SYT2: variants seen among roughly 807,000 people sequenced by gnomAD.
SYT2 encodes the protein synaptotagmin-2.
In SYT2, 15 loss-of-function variants were observed where a neutral mutation model predicts 39.9. The ratio of observed to expected loss-of-function variants is 0.38; its 90% confidence interval spans 0.25 to 0.58. The LOEUF is 0.58. SYT2 is among the 20% of genes least tolerant of loss of function. SYT2 has a pLI of 0.70. For missense variants in SYT2, 389 were observed against 530.3 expected (o/e 0.73, Z 2.62); for synonymous variants, 181 against 204.5 (o/e 0.89, Z 0.98).
intron 1 of SYT2, among the ~76,000 whole-genome samples, chr1:202,624,622 A>T (rs200929665): frequency 1.2e-4 from 4 of 34,664 alleles, no homozygotes; most frequent in Non-Finnish European, 2.5e-4. Context: ...GGTGTCATAG[A>T]GTGTGTGTAT....
chr1:202,684,049 G>A (rs1308062759), intron 1 of SYT2, among the ~76,000 whole-genome samples: 12 of 151,842 alleles, frequency 7.9e-5, no homozygotes, highest in Non-Finnish European at 1.5e-4. Context: ...ATATATTACA[G>A]TAAAAAATTT....
chr1:202,599,161 A>G lies in SYT2; in HGVS notation c.1053+57T>C, dbSNP rs1690407411. 2 of 1,601,428 alleles carry G rather than the reference A, an allele frequency of 1.2e-6. No individual in the cohort carries two copies. On this transcript the variant is annotated intron_variant, in intron 8 of 8. Transcript: ENST00000367268. This position sits in a 1 kb window ranked among gnomAD's most constrained non-coding sequence, Gnocchi z 4.4. The stretch of plus-strand genomic sequence containing the variant: ...TGAGTTCCCTCTCTTCAACCTCCCC[A>G]TACATGTTTGCCTCCCCAAACCCTG...
chr1:202,606,729 A>G (rs1690720640), intron 1 of SYT2, among the ~76,000 whole-genome samples: 1 of 152,120 alleles, frequency 6.6e-6, no homozygotes, highest in Admixed American at 6.5e-5. Context: ...CAAAGATGTG[A>G]TGTTTATTAA....
intron 1 of SYT2, among the ~76,000 whole-genome samples, chr1:202,609,331 A>G (rs1572620636): frequency 6.6e-6 from 1 of 152,106 alleles, no homozygotes; most frequent in Non-Finnish European, 1.5e-5. Flanking sequence ...TAGTGCCGCA[A>G]TGAACATACG....
chr1:202,637,674 G>T (rs1485547813), intron 1 of SYT2, among the ~76,000 whole-genome samples: 2 of 152,274 alleles, frequency 1.3e-5, no homozygotes, highest in Non-Finnish European at 2.9e-5. Flanking sequence ...CATAGGTGCT[G>T]CAGTATCTCT....
intron 5 of SYT2, 80 bp downstream of exon 5, chr1:202,602,298 G>T: frequency 6.8e-7 from 1 of 1,470,820 alleles, no homozygotes; most frequent in South Asian, 1.3e-5. Flanking sequence ...CATGGCTAAG[G>T]ACCAAGGAAA....
intron 5 of SYT2, 30 bp from the exon 6 acceptor site, chr1:202,602,087 C>T: frequency 6.2e-7 from 1 of 1,611,876 alleles, no homozygotes; most frequent in East Asian, 2.2e-5. Context: ...TCAGAGGGGG[C>T]CAGAGCGACT....
intron 1 of SYT2, 134 bp from the exon 2 acceptor site, chr1:202,605,923 A>G: frequency 1.6e-6 from 1 of 610,004 alleles, no homozygotes; most frequent in Non-Finnish European, 2.9e-6. Flanking sequence ...ACTGTAGTAA[A>G]CCAATAATAA....
chr1:202,693,883 C>A (rs1490948724), intron 1 of SYT2, among the ~76,000 whole-genome samples: 1 of 152,238 alleles, frequency 6.6e-6, no homozygotes, highest in Non-Finnish European at 1.5e-5. Context: ...GCACCAGCAT[C>A]TGCTTCTGGG....
At chr1:202,602,916 A>G in intron 4 of SYT2, 83 bp downstream of exon 4, 1 of 1,519,868 alleles carries the variant, frequency 6.6e-7, no homozygotes, top group Non-Finnish European at 9.0e-7. Flanking sequence ...CACATCTCTG[A>G]GGGAGCTGTT....
At chr1:202,647,818 C>A (rs1422358340) in intron 1 of SYT2, among the ~76,000 whole-genome samples, 2 of 152,202 alleles carry the variant, frequency 1.3e-5, no homozygotes, top group African/African-American at 2.4e-5. Context: ...CTCCCTGCTC[C>A]TCCTTCCCCC....
chr1:202,635,258 A>G (rs12354333), intron 1 of SYT2, among the ~76,000 whole-genome samples: 59,203 of 151,838 alleles, frequency 0.39, 13,367 homozygotes, highest in African/African-American at 0.62. Flanking sequence ...CACTCATGGA[A>G]AGCAGGTCTG....
chr1:202,643,142 CG>C, intron 1 of SYT2: 1 of 152,514 alleles, frequency 6.6e-6, no homozygotes, highest in Admixed American at 6.5e-5. Context: ...TCCCAAAAGT[CG>C]GAGTGTCACC....
At chr1:202,640,800 G>C (rs1387492054) in intron 1 of SYT2, among the ~76,000 whole-genome samples, 14 of 149,622 alleles carry the variant, frequency 9.4e-5, no homozygotes. Flanking sequence ...GAGACAGACA[G>C]ACAGAGAGAC....
rs1257105511 is a variant in SYT2, at chr1:202,602,368, C to G, written c.633+10G>C. On this transcript the variant is annotated intron_variant, in intron 5 of 8. Transcript: ENST00000367268. ...CAGGGAGCTGGAGTCACCCTTCCAGCCCTCAGCACCTTGAAGGTGAAGGTT... is the reference window on the plus strand; with the variant it reads ...CAGGGAGCTGGAGTCACCCTTCCAGGCCTCAGCACCTTGAAGGTGAAGGTT... The G allele has an allele frequency of 1.2e-6, 2 of 1,611,198 alleles. No individual in the cohort carries two copies. Among genetic ancestry groups the G allele is most frequent in the Admixed American group, 1.7e-5 (1 of 59,866 alleles).
At chr1:202,687,781 G>A (rs1475176059) in intron 1 of SYT2, among the ~76,000 whole-genome samples, 1 of 151,988 alleles carries the variant, frequency 6.6e-6, no homozygotes, top group Non-Finnish European at 1.5e-5. Flanking sequence ...AAAAAGCCTT[G>A]CTTTTGTTTA....
In SYT2 at chr1:202,604,625, C is replaced by T. The variant is rs1690636159; in HGVS notation, c.179-4G>A. 2 of 1,613,230 alleles carry T rather than the reference C, an allele frequency of 1.2e-6. No homozygotes were observed. Among genetic ancestry groups the T allele is most frequent in the Non-Finnish European group, 1.7e-6 (2 of 1,179,498 alleles). ...GCGATCAGTGCCCAGGGTGGTACTGCCCACACAGAGAAGATCCCAGGGTCA... is the reference window on the plus strand; with the variant it reads ...GCGATCAGTGCCCAGGGTGGTACTGTCCACACAGAGAAGATCCCAGGGTCA... On this transcript the variant is annotated splice_region_variant and splice_polypyrimidine_tract_variant and intron_variant, in intron 2 of 8. Transcript: ENST00000367268.
chr1:202,688,942 C>T (rs905982415), intron 1 of SYT2, among the ~76,000 whole-genome samples: 7 of 152,156 alleles, frequency 4.6e-5, no homozygotes, highest in African/African-American at 1.7e-4. Context: ...GGAGTCAGGA[C>T]ATGGTGTTCT....
At chr1:202,639,774 CA>C in intron 1 of SYT2, 2 of 985,456 alleles carry the variant, frequency 2.0e-6, no homozygotes, top group Non-Finnish European at 2.4e-6. Flanking sequence ...CTAGAGCATG[CA>C]AACTCCTGGA....
Sources: allele counts gnomAD v4.1 joint callset (sites outside exome capture counted in the v4.1 genomes callset), GRCh38; gene constraint gnomAD v4.1.1; non-coding constraint Gnocchi (gnomAD v3.1); transcripts MANE v1.5; gene names NCBI Gene and HGNC (gene_info 2026-07-23, HGNC 2026-07-21).